CHORDC1: variants seen among roughly 807,000 people sequenced by gnomAD.
The protein encoded by CHORDC1 is cysteine and histidine rich domain containing 1, also known as cysteine and histidine-rich domain-containing protein 1.
CHORDC1 carries 25 observed loss-of-function variants against 48.3 expected under a neutral mutation model. The ratio of observed to expected loss-of-function variants is 0.52; its 90% CI spans 0.38 to 0.72. The LOEUF (loss-of-function observed/expected upper bound fraction) is 0.72. Among genes scored for constraint, CHORDC1 ranks in the 30% least tolerant of loss-of-function variants. The probability of loss-of-function intolerance (pLI) is 0.00; values close to 1 mark genes in which losing one functional copy is unlikely to be tolerated. For missense variants in CHORDC1, 317 were observed against 388.7 expected (o/e 0.82, Z 1.55); for synonymous variants, 128 against 126.4 (o/e 1.01, Z -0.09).
At chr11:90,212,021 C>T (rs188153248) in intron 4 of CHORDC1, 20 of 152,276 alleles carry the variant, frequency 1.3e-4, no homozygotes, top group African/African-American at 3.4e-4. Context: ...AAGGCATGGT[C>T]GCTTATGCCC....
Position 90,203,437 on chromosome 11 carries a change from A to G in CHORDC1, c.670-10T>C. On this transcript the variant is annotated splice_polypyrimidine_tract_variant and intron_variant, in intron 8 of 10. Transcript: ENST00000320585. ...GAACAACTTTTTTCCCCTGTAATGT[A>G]AGAGAAACTCTGTAAGTTAAAAAAG... is the stretch of plus-strand genomic sequence containing the variant. 2.0e-6 allele frequency: 3 copies of G among 1,534,518 alleles called. No homozygotes were observed. Among genetic ancestry groups the G allele is most frequent in the Non-Finnish European group, 2.7e-6 (3 of 1,125,386 alleles).
rs1411027480 is a variant in CHORDC1 at position 90,201,759 on chromosome 11, A to G, written c.*646T>C. The G allele has an allele frequency of 1.3e-5, 2 of 152,398 alleles. No individual in the cohort carries two copies. Among genetic ancestry groups the G allele is most frequent in the East Asian group, 3.9e-4 (2 of 5,186 alleles). 9.4% of individuals were successfully genotyped at this position (152,398 alleles called of 1,614,324 possible). A position where few individuals can be genotyped will look rare whatever the true frequency, so the allele number is the denominator to read the frequency against. On this transcript the variant is annotated 3_prime_UTR_variant, in exon 11 of 11. Coordinates refer to ENST00000320585, the MANE Select transcript of CHORDC1 (RefSeq NM_012124.3). ...ATTTTAACCAAATTGATACCTCTGT[A>G]ATCTTATTTATGTTTCCTATAACAT... is the stretch of plus-strand genomic sequence containing the variant.
At chr11:90,206,002 C>T (rs1034228029) in intron 7 of CHORDC1, 200 bp downstream of exon 7, 3 of 575,940 alleles carry the variant, frequency 5.2e-6, no homozygotes, top group Non-Finnish European at 9.4e-6. Flanking sequence ...CACTTAAGAA[C>T]TGTAACCTTG....
At position 90,214,150 on chromosome 11, in the gene CHORDC1, C is replaced by T. The variant is rs1360917514; in HGVS notation, c.197G>A (p.Ser66Asn). The T allele has an allele frequency of 6.2e-6, 10 of 1,612,632 alleles. No individual in the cohort carries two copies. Reference sequence around the variant, plus strand: ...TTTGACTGGCTCAGGTGGCTTCTCACTATTATGTCTACCTTTTGTACAGCC... The same window carrying T: ...TTTGACTGGCTCAGGTGGCTTCTCATTATTATGTCTACCTTTTGTACAGCC... ...IVGCTKGRHNSEKPPEPVKPE... is the reference protein window; with the variant it reads ...IVGCTKGRHNNEKPPEPVKPE... The change falls in exon 4 of 11, where the codon AGT (serine) becomes AAT (asparagine). Residue 66 changes from serine (S) to asparagine (N), a missense_variant. By Grantham distance (46) the Ser-to-Asn change is conservative (BLOSUM62 1). Coordinates refer to ENST00000320585, the MANE Select transcript of CHORDC1 (RefSeq NM_012124.3).
chr11:90,213,916 A>G (rs1465426660), intron 4 of CHORDC1, 102 bp downstream of exon 4: 2 of 1,018,038 alleles, frequency 2.0e-6, no homozygotes, highest in Non-Finnish European at 2.9e-6. Flanking sequence ...GGTGGCCTAC[A>G]TAGTAGCTAC....
chr11:90,218,246 T>A (rs907618366), intron 1 of CHORDC1, 62 bp from the exon 2 acceptor site: 5 of 1,219,204 alleles, frequency 4.1e-6, no homozygotes, highest in Non-Finnish European at 5.8e-6. Flanking sequence ...AATATATACA[T>A]GATCATCTCC....
chr11:90,203,561 T>G, intron 8 of CHORDC1, 134 bp from the exon 9 acceptor site: 1 of 636,510 alleles, frequency 1.6e-6, no homozygotes, highest in African/African-American at 1.8e-5. Context: ...GGCAAAAAAC[T>G]TCTATATTTC....
Position 90,206,138 on chromosome 11 carries a change from G to A in CHORDC1, c.563+64C>T. 4 of 984,800 alleles carry A rather than the reference G, an allele frequency of 4.1e-6. No homozygotes were observed. The Admixed American group carries it at 5.5e-5, about 13-fold the overall frequency. 61.0% of individuals were successfully genotyped at this position (984,800 alleles called of 1,614,324 possible). ...CACTGCATGGCAAACAATGTTTAAA[G>A]ACAGAAAGGTTTAACTTTCTAAATT... is the stretch of plus-strand genomic sequence containing the variant. On this transcript the variant is annotated intron_variant, in intron 7 of 10. Coordinates refer to ENST00000320585, the MANE Select transcript of CHORDC1 (RefSeq NM_012124.3).
chr11:90,216,584 C>T, intron 2 of CHORDC1: 1 of 434,150 alleles, frequency 2.3e-6, no homozygotes, highest in Non-Finnish European at 4.6e-6. Flanking sequence ...ATAGAGACCA[C>T]AATAAACACT....
At chr11:90,215,594 T>C (rs1334444914) in intron 2 of CHORDC1, among the ~76,000 whole-genome samples, 2 of 151,346 alleles carry the variant, frequency 1.3e-5, no homozygotes, top group Non-Finnish European at 3.0e-5. Context: ...GTATAGGTAT[T>C]TTACTTTTAA....
chr11:90,221,114 AT>A (rs1858160849), intron 1 of CHORDC1, among the ~76,000 whole-genome samples: 1 of 152,084 alleles, frequency 6.6e-6, no homozygotes, highest in African/African-American at 2.4e-5. Flanking sequence ...TTTAGTGTAG[AT>A]TAAGAAATAT....
At chr11:90,213,646 C>A in intron 4 of CHORDC1, 1 of 455,958 alleles carries the variant, frequency 2.2e-6, no homozygotes, top group Non-Finnish European at 3.9e-6. Context: ...ATGATTAGGC[C>A]TCTGCATTAT....
intron 1 of CHORDC1, among the ~76,000 whole-genome samples, chr11:90,221,172 C>T (rs1390489435): frequency 6.6e-6 from 1 of 152,002 alleles, no homozygotes; most frequent in Non-Finnish European, 1.5e-5. Context: ...ATGGAACTTG[C>T]TTGTGTATTT....
chr11:90,203,268 T>C, intron 9 of CHORDC1, 40 bp downstream of exon 9: 1 of 1,522,896 alleles, frequency 6.6e-7, no homozygotes, highest in Non-Finnish European at 9.0e-7. Context: ...GAATGATGTA[T>C]AGAAAAGAAC....
At chr11:90,213,245 A>C (rs576450439) in intron 4 of CHORDC1, 6 of 546,320 alleles carry the variant, frequency 1.1e-5, no homozygotes, top group African/African-American at 7.5e-5. Context: ...ATACTCTATA[A>C]ATTTATTTAA....
Position 90,221,257 on chromosome 11 carries a change from A to G in CHORDC1, c.64+1634T>C, listed in dbSNP as rs577510170. Among the ~76,000 whole-genome samples, 210 of 152,240 alleles carry G rather than the reference A, an allele frequency of 1.4e-3. 3 individuals carry two copies. Among genetic ancestry groups the G allele is most frequent in the African/African-American group, 4.7e-3 (195 of 41,548 alleles). On this transcript the variant is annotated intron_variant, in intron 1 of 10. Coordinates refer to ENST00000320585, the MANE Select transcript of CHORDC1 (RefSeq NM_012124.3). ...AAAAAACCTCCTAACCAACCTTTCT[A>G]TTTAGTTCTTGTCTCCTACTCCGTA...
intron 6 of CHORDC1, chr11:90,209,241 C>G (rs1362414273): frequency 6.6e-6 from 1 of 152,156 alleles, no homozygotes; most frequent in East Asian, 1.9e-4. Flanking sequence ...CCTGCCCCCA[C>G]CCCATTTTCA....
rs763940191 is a variant in CHORDC1 at position 90,205,470 on chromosome 11, T to C, written c.659A>G (p.Lys220Arg). The C allele has an allele frequency of 1.3e-6, 2 of 1,593,022 alleles. No individual in the cohort carries two copies. Among genetic ancestry groups the C allele is most frequent in the Admixed American group, 3.5e-5 (2 of 57,534 alleles). ...GCTKGKHMWT[K>R]KDAGKKVVPC... ...GGAAGAGTTACTTACAGCATCTTTT[T>C]TAGTCCACATGTGTTTCCCTTTTGT... Residue 220 changes from lysine to arginine, a missense_variant, in exon 8 of 11, where the codon AAA (lysine) becomes AGA (arginine). By Grantham distance (26) the Lys-to-Arg change is conservative. Coordinates refer to ENST00000320585, the MANE Select transcript of CHORDC1 (RefSeq NM_012124.3).
chr11:90,222,414 A>G, intron 1 of CHORDC1: 1 of 339,654 alleles, frequency 2.9e-6, no homozygotes, highest in Non-Finnish European at 5.7e-6. Flanking sequence ...AAACTTCTAC[A>G]AGGCAGAGCT....
Sources: gnomAD v4.1 joint callset for allele counts (sites outside exome capture counted in the v4.1 genomes callset) on GRCh38, gnomAD v4.1.1 for gene constraint, MANE v1.5 for transcripts, NCBI Gene and HGNC (gene_info 2026-07-23, HGNC 2026-07-21) for gene names.